Variants in ROBO2 observed in about 807,000 individuals in gnomAD.
The protein encoded by ROBO2 is roundabout homolog 2.
In ROBO2, 53 loss-of-function variants were observed where a neutral mutation model predicts 160.8. That is an observed-to-expected ratio of 0.33 (90% confidence interval 0.26 to 0.41). ROBO2 has a LOEUF of 0.41. Among genes scored for constraint, ROBO2 ranks in the 10% least tolerant of loss-of-function variants. The probability of loss-of-function intolerance (pLI) is 1.00; values close to 1 mark genes in which losing one functional copy is unlikely to be tolerated. For synonymous variants in ROBO2, 664 were observed against 611.7 expected (o/e 1.09, Z -1.26); for missense variants, 1,577 against 1,722.4 (o/e 0.92, Z 1.49).
intron 2 of ROBO2, among the ~76,000 whole-genome samples, chr3:76,559,868 C>G (rs1194443752): frequency 6.6e-6 from 1 of 152,042 alleles, no homozygotes; most frequent in South Asian, 2.1e-4. Flanking sequence ...GGCACAAATT[C>G]TTCCCCAAGT....
chr3:76,801,603 A>G (rs1034720738), intron 2 of ROBO2, among the ~76,000 whole-genome samples: 1 of 152,040 alleles, frequency 6.6e-6, no homozygotes, highest in African/African-American at 2.4e-5. Flanking sequence ...AAAGAAAAGA[A>G]TATCGCGGCA....
At chr3:77,546,499 G>C (rs2092702887) in intron 7 of ROBO2, 37 bp downstream of exon 8, 3 of 1,611,664 alleles carry the variant, frequency 1.9e-6, no homozygotes, top group Non-Finnish European at 2.5e-6. Context: ...TGAAATCTCT[G>C]AACTTCTACT....
intron 1 of ROBO2, among the ~76,000 whole-genome samples, chr3:77,075,380 G>A (rs2067860405): frequency 6.6e-6 from 1 of 152,066 alleles, no homozygotes. Context: ...AGAGTAATGT[G>A]TTCCCTCTGT....
At chr3:76,185,215 T>TATATATAGATATATATATATATATAC in intron 2 of ROBO2, among the ~76,000 whole-genome samples, 5 of 90,312 alleles carry the variant, frequency 5.5e-5, no homozygotes, top group African/African-American at 1.9e-4. Flanking sequence ...TATATATATA[T>TATATATAGATATATATATATATATAC]ACACACACAA....
chr3:76,237,983 G>T (rs1377306895), intron 2 of ROBO2, among the ~76,000 whole-genome samples: 2 of 152,118 alleles, frequency 1.3e-5, no homozygotes, highest in Admixed American at 1.3e-4. Flanking sequence ...GAGACTTGGG[G>T]TCTGATTTCT....
At chr3:76,432,199 T>C (rs1559935247) in intron 2 of ROBO2, among the ~76,000 whole-genome samples, 1 of 152,206 alleles carries the variant, frequency 6.6e-6, no homozygotes, top group Non-Finnish European at 1.5e-5. Context: ...AGATTTTGTA[T>C]AGACAGTATA....
At chr3:76,231,195 G>A (rs147601142) in intron 2 of ROBO2, among the ~76,000 whole-genome samples, 353 of 152,210 alleles carry the variant, frequency 2.3e-3, no homozygotes, top group Middle Eastern at 6.8e-3. Context: ...TGAGAATTTC[G>A]GAGACTGATG....
At chr3:75,949,551 A>AT (rs985784008) in intron 2 of ROBO2, among the ~76,000 whole-genome samples, 8 of 151,546 alleles carry the variant, frequency 5.3e-5, no homozygotes, top group African/African-American at 1.2e-4. Context: ...GACTGGTAGG[A>AT]TTTTTTTTTC....
chr3:77,603,760 C>T lies in ROBO2; in HGVS notation c.3136+1269C>T, dbSNP rs937563882. 3 of 152,016 alleles carry T rather than the reference C, an allele frequency of 2.0e-5. No individual in the cohort carries two copies. The East Asian group carries it at 5.8e-4, about 29-fold the overall frequency. 9.4% of individuals were successfully genotyped at this position (152,016 alleles called of 1,614,324 possible). ...ACTTATGAATGAAATTTTCCTGGCC[C>T]AAAGATCCTTACCTGTAAAATGAGG... is the stretch of plus-strand genomic sequence containing the variant. On this transcript the variant is annotated intron_variant, in intron 20 of 25. Transcript: ENST00000461745.
rs578108165 is a variant in ROBO2, at chr3:76,399,794, G to C, written c.109+462192G>C. Among the ~76,000 whole-genome samples the C allele has an allele frequency of 6.7e-4, 102 of 151,788 alleles. 1 individual carries two copies. Among genetic ancestry groups the C allele is most frequent in the Admixed American group, 6.2e-3 (94 of 15,180 alleles). On this transcript the variant is annotated intron_variant, in intron 2 of 26. Transcript: ENST00000487694. The stretch of plus-strand genomic sequence containing the variant: ...CTTTATTCATGAATGTTTTCTTGTA[G>C]AATAATCACTTCAAGAGCGCACATT...
At chr3:77,260,552 T>C (rs1470662086) in intron 2 of ROBO2, among the ~76,000 whole-genome samples, 1 of 152,122 alleles carries the variant, frequency 6.6e-6, no homozygotes, top group African/African-American at 2.4e-5. Flanking sequence ...GGTTTTGAAT[T>C]GTGAGGAACC....
chr3:77,426,608 CTGTGTGTGTGTG>C (rs9309768), intron 2 of ROBO2, among the ~76,000 whole-genome samples: 8 of 140,646 alleles, frequency 5.7e-5, no homozygotes, highest in South Asian at 4.7e-4. Context: ...ATGTGTGTGT[CTGTGTGTGTGTG>C]TGTGTGTGTG....
intron 2 of ROBO2, among the ~76,000 whole-genome samples, chr3:77,475,639 G>T (rs900022189): frequency 1.3e-5 from 2 of 152,152 alleles, no homozygotes; most frequent in African/African-American, 2.4e-5. Context: ...TATTGTAGGG[G>T]TGCTCATCAC....
At chr3:77,578,905 A>G (rs1467785615) in intron 15 of ROBO2, among the ~76,000 whole-genome samples, 2 of 152,000 alleles carry the variant, frequency 1.3e-5, no homozygotes, top group African/African-American at 2.4e-5. Context: ...TTTTTTTTCC[A>G]TAAGTTGTAA....
intron 2 of ROBO2, among the ~76,000 whole-genome samples, chr3:76,307,981 G>A (rs146616631): frequency 0.013 from 1,940 of 152,240 alleles, 34 homozygotes; most frequent in African/African-American, 0.045. Context: ...ATGAGCAAAG[G>A]CTTGGAACTG....
At chr3:76,327,594 T>C (rs2073129908) in intron 2 of ROBO2, among the ~76,000 whole-genome samples, 1 of 152,194 alleles carries the variant, frequency 6.6e-6, no homozygotes, top group African/African-American at 2.4e-5. Flanking sequence ...AAGATGATCC[T>C]TGGACACTAA....
At chr3:77,640,019 C>G (rs2095323735) in intron 24 of ROBO2, among the ~76,000 whole-genome samples, 1 of 150,320 alleles carries the variant, frequency 6.7e-6, no homozygotes, top group Admixed American at 6.6e-5. Flanking sequence ...AGAAAGCAAA[C>G]CACATTACTC....
chr3:77,239,290 G>A (rs187949789), intron 2 of ROBO2, among the ~76,000 whole-genome samples: 3 of 152,002 alleles, frequency 2.0e-5, no homozygotes, highest in Admixed American at 6.6e-5. Flanking sequence ...GAGTGTTGCA[G>A]CTCTTAAGGC....
At chr3:77,150,291 C>T (rs532242155) in intron 2 of ROBO2, among the ~76,000 whole-genome samples, 1 of 152,106 alleles carries the variant, frequency 6.6e-6, no homozygotes, top group Admixed American at 6.6e-5. Flanking sequence ...CGAATGCATG[C>T]ATATTAGTCA....
Sources: gnomAD v4.1 joint callset for allele counts (sites outside exome capture counted in the v4.1 genomes callset) on GRCh38, gnomAD v4.1.1 for gene constraint, MANE v1.5 for transcripts, NCBI Gene and HGNC (gene_info 2026-07-23, HGNC 2026-07-21) for gene names.